The following DHRS12 variants were observed in gnomAD, a reference collection of about 807,000 sequenced individuals.
The protein encoded by DHRS12 is dehydrogenase/reductase SDR family member 12.
Under a neutral mutation model 32.1 loss-of-function variants are expected in DHRS12, and 29 were observed. That is an observed-to-expected ratio of 0.90 (90% CI 0.67 to 1.23). The LOEUF is 1.23. Ranked by LOEUF, DHRS12 falls within the 50% of genes most tolerant of loss-of-function variation. The pLI is 0.00. For missense variants in DHRS12, 330 were observed against 337.2 expected, an observed-to-expected ratio of 0.98 and a Z score of 0.17; for synonymous variants, 150 against 135.9, an observed-to-expected ratio of 1.10 and a Z score of -0.72.
At chr13:51,763,587 C>T (rs538947172), downstream of DHRS12, 1 of 152,334 alleles carries the variant, frequency 6.6e-6, no homozygotes, top group Admixed American at 6.5e-5. Context: ...TTGCTGAGCC[C>T]AGGAGTTCAA....
At chr13:51,788,123 G>A (rs985978986) in intron 4 of DHRS12, among the ~76,000 whole-genome samples, 6 of 151,184 alleles carry the variant, frequency 4.0e-5, no homozygotes, top group African/African-American at 1.5e-4. Flanking sequence ...TGTGGTCGCT[G>A]CATTGAAATC....
At chr13:51,790,423 TAGTAAGAAA>T (rs1252480749) in intron 3 of DHRS12, among the ~76,000 whole-genome samples, 58 of 152,280 alleles carry the variant, frequency 3.8e-4, no homozygotes, top group Non-Finnish European at 6.9e-4. Context: ...ATTAAAAAGG[TAGTAAGAAA>T]CTGGTAAAAT....
At chr13:51,787,980 T>C (rs1302590437) in intron 4 of DHRS12, among the ~76,000 whole-genome samples, 2 of 145,720 alleles carry the variant, frequency 1.4e-5, no homozygotes, top group Non-Finnish European at 3.0e-5. Flanking sequence ...CTCTCACTCG[T>C]GGCCCGGCCG....
Position 51,790,049 on chromosome 13 carries a change from T to C in DHRS12, c.263A>G (p.Glu88Gly). The change falls in exon 4 of 9, where the codon GAA (glutamate) becomes GGA (glycine). Residue 88 changes from glutamate (E) to glycine (G), a missense_variant. Physicochemically the swap from Glu to Gly is moderately conservative, Grantham distance 98. Transcript: ENST00000444610. ...AGCAAAGTTTTTTTCAAGTCCATCT[T>C]CTGTGAGCTCTCTTTTATTGACCAT... The part of the protein sequence containing the change: ...GCMVNKRELT[E>G]DGLEKNFAAN... 1 of 1,605,020 alleles carries C rather than the reference T, an allele frequency of 6.2e-7. No homozygotes were observed. The highest frequency in any genetic ancestry group is 1.1e-5 in the South Asian group (1 of 88,782).
At chr13:51,795,772 C>G (rs1955487912) in intron 2 of DHRS12, among the ~76,000 whole-genome samples, 1 of 152,196 alleles carries the variant, frequency 6.6e-6, no homozygotes, top group Non-Finnish European at 1.5e-5. Flanking sequence ...TTCCTTTCAC[C>G]TAGCAATCTT....
chr13:51,788,907 C>T (rs1454258571), intron 4 of DHRS12, among the ~76,000 whole-genome samples: 1 of 151,974 alleles, frequency 6.6e-6, no homozygotes, highest in African/African-American at 2.4e-5. Context: ...ATCAGCGGGG[C>T]TTGCTCAGTT....
At chr13:51,798,490 A>G (rs563429837) in intron 2 of DHRS12, among the ~76,000 whole-genome samples, 16 of 152,138 alleles carry the variant, frequency 1.1e-4, no homozygotes, top group Admixed American at 2.6e-4. Context: ...CTAAGAACGA[A>G]TCGTTATGGA....
intron 6 of DHRS12, among the ~76,000 whole-genome samples, chr13:51,773,247 T>C (rs918563540): frequency 2.0e-5 from 3 of 152,176 alleles, no homozygotes; most frequent in Non-Finnish European, 4.4e-5. Context: ...AGAACTCAAA[T>C]CTAAACACAA....
At chr13:51,768,437 A>C in intron 8 of DHRS12, 141 bp from the exon 9 acceptor site, 1 of 1,461,692 alleles carries the variant, frequency 6.8e-7, no homozygotes, top group South Asian at 1.4e-5. Context: ...CCCTGCTGTC[A>C]AAGGTCCCAC....
At chr13:51,790,681 G>A (rs898538913) in intron 3 of DHRS12, among the ~76,000 whole-genome samples, 17 of 152,068 alleles carry the variant, frequency 1.1e-4, no homozygotes, top group East Asian at 9.7e-4. Context: ...GAAACTCTTC[G>A]GATAGAAAAG....
chr13:51,759,245 G>A, the DHRS12 span, among the ~76,000 whole-genome samples: 1 of 152,134 alleles, frequency 6.6e-6, no homozygotes, highest in African/African-American at 2.4e-5. Context: ...TTTTGAAAAC[G>A]AGGTATCTTG....
At chr13:51,788,541 G>A (rs1955103356) in intron 4 of DHRS12, among the ~76,000 whole-genome samples, 1 of 152,040 alleles carries the variant, frequency 6.6e-6, no homozygotes, top group African/African-American at 2.4e-5. Context: ...GGGAGATGGA[G>A]CACGTTTCCA....
the DHRS12 span, among the ~76,000 whole-genome samples, chr13:51,758,635 T>C: frequency 1.3e-5 from 2 of 150,478 alleles, no homozygotes; most frequent in Admixed American, 1.3e-4. Context: ...CACAGCCTCA[T>C]CCCAGGCACT....
At chr13:51,777,401 G>A (rs1438318877) in intron 4 of DHRS12, 6 of 446,314 alleles carry the variant, frequency 1.3e-5, no homozygotes, top group Non-Finnish European at 2.4e-5. Flanking sequence ...ACCGTAGATG[G>A]GTCCACTTTG....
chr13:51,791,267 A>T lies in DHRS12; in HGVS notation c.127-10T>A. On this transcript the variant is annotated splice_polypyrimidine_tract_variant and intron_variant, in intron 2 of 8. Coordinates refer to ENST00000444610, the MANE Select transcript of DHRS12 (RefSeq NM_001377533.1). ...TGTGCAGAAAAATGTTCTAAATTAG[A>T]AAGCAAAAAAAAAAAAAACCCTTTT... 7.1e-7 allele frequency: 1 copy of T among 1,406,072 alleles called. No individual in the cohort carries two copies. Among genetic ancestry groups the T allele is most frequent in the Non-Finnish European group, 9.5e-7 (1 of 1,048,784 alleles). The allele number at this position is 1,406,072 out of a possible 1,614,324, so 87.1% of individuals were successfully genotyped here. A position where few individuals can be genotyped will look rare whatever the true frequency, so the allele number is the denominator to read the frequency against.
chr13:51,766,427 C>CT (rs1235193115), downstream of DHRS12: 1 of 152,172 alleles, frequency 6.6e-6, no homozygotes, highest in Non-Finnish European at 1.5e-5. Context: ...ATATCTTTTT[C>CT]TTTCTTTTTT....
Position 51,768,488 on chromosome 13 carries a change from G to C in DHRS12, c.698-192C>G, listed in dbSNP as rs561584419. ...TGGATTGATATGTAAAGTGCAGTTT[G>C]GGAACTGGGAGGCTGCAGCCAGGGC... On this transcript the variant is annotated intron_variant, in intron 8 of 8. Transcript: ENST00000444610. The C allele has an allele frequency of 7.7e-6, 11 of 1,422,244 alleles. No homozygotes were observed. The African/African-American group carries it at 1.6e-4, about 20-fold the overall frequency. 88.1% of individuals were successfully genotyped at this position (1,422,244 alleles called of 1,614,324 possible). A position where few individuals can be genotyped will look rare whatever the true frequency, so the allele number is the denominator to read the frequency against.
chr13:51,789,978 C>T (rs1206260575), intron 4 of DHRS12, 33 bp downstream of exon 4: 8 of 1,550,140 alleles, frequency 5.2e-6, no homozygotes, highest in Non-Finnish European at 6.9e-6. Flanking sequence ...GTTTATTTTG[C>T]TAAAAACAAA....
intron 1 of DHRS12, among the ~76,000 whole-genome samples, chr13:51,801,040 G>A (rs1465641844): frequency 6.6e-6 from 1 of 152,160 alleles, no homozygotes; most frequent in Non-Finnish European, 1.5e-5. Context: ...GCCATCTTGT[G>A]TGTTGATTTA....
Sources: gnomAD v4.1 joint callset for allele counts (sites outside exome capture counted in the v4.1 genomes callset) on GRCh38, gnomAD v4.1.1 for gene constraint, MANE v1.5 for transcripts, NCBI Gene and HGNC (gene_info 2026-07-23, HGNC 2026-07-21) for gene names.